Variants in KDM4C observed in about 807,000 individuals in gnomAD.
KDM4C encodes lysine-specific demethylase 4C.
A neutral mutation model predicts 129.3 loss-of-function variants in KDM4C; 81 were observed. The ratio of observed to expected loss-of-function variants is 0.63; its 90% CI spans 0.52 to 0.75. The LOEUF is 0.75. Ranked by LOEUF, KDM4C falls within the 30% of genes least tolerant of loss-of-function variation. The pLI is 0.00. For synonymous variants in KDM4C, 573 were observed against 456.1 expected, an observed-to-expected ratio of 1.26 and a Z score of -3.26; for missense variants, 1,457 against 1,304.0, an observed-to-expected ratio of 1.12 and a Z score of -1.81.
upstream of KDM4C, among the ~76,000 whole-genome samples, chr9:6,757,309 GCCTC>G (rs913182894): frequency 2.6e-5 from 4 of 151,520 alleles, no homozygotes; most frequent in Non-Finnish European, 5.9e-5. Flanking sequence ...TCACCTTTGT[GCCTC>G]CCTATCTTAA....
intron 8 of KDM4C, among the ~76,000 whole-genome samples, chr9:6,894,616 A>G (rs1019140473): frequency 3.3e-5 from 5 of 152,240 alleles, no homozygotes; most frequent in African/African-American, 1.2e-4. Flanking sequence ...GAAGTAGCCT[A>G]TGATATTGGC....
intron 19 of KDM4C, among the ~76,000 whole-genome samples, chr9:7,164,400 T>C (rs1844145106): frequency 6.6e-6 from 1 of 151,100 alleles, no homozygotes; most frequent in Admixed American, 6.6e-5. Context: ...GAGTTTGCTC[T>C]GAATTACTGC....
At chr9:6,731,763 G>T (rs1817344906) in intron 1 of KDM4C, among the ~76,000 whole-genome samples, 1 of 152,136 alleles carries the variant, frequency 6.6e-6, no homozygotes, top group Non-Finnish European at 1.5e-5. Flanking sequence ...AGCTGACAGT[G>T]TGACCAGAAC....
chr9:7,115,123 A>T (rs1838754256), intron 18 of KDM4C, among the ~76,000 whole-genome samples: 1 of 152,092 alleles, frequency 6.6e-6, no homozygotes, highest in Non-Finnish European at 1.5e-5. Flanking sequence ...AATAATTTAC[A>T]TGGGACACTT....
At chr9:6,864,087 T>G (rs1841485958) in intron 5 of KDM4C, among the ~76,000 whole-genome samples, 2 of 152,212 alleles carry the variant, frequency 1.3e-5, no homozygotes, top group Non-Finnish European at 2.9e-5. Flanking sequence ...TTTTAGTGGG[T>G]TTTGCATCTT....
At chr9:6,788,893 T>C (rs1825979890) in intron 1 of KDM4C, among the ~76,000 whole-genome samples, 1 of 152,162 alleles carries the variant, frequency 6.6e-6, no homozygotes, top group Non-Finnish European at 1.5e-5. Context: ...CAGAGGCTGC[T>C]GTGAGGGGAA....
intron 17 of KDM4C, among the ~76,000 whole-genome samples, chr9:7,086,682 C>T (rs558703575): frequency 6.6e-6 from 1 of 152,162 alleles, no homozygotes; most frequent in Non-Finnish European, 1.5e-5. Flanking sequence ...ACGGGGTTAC[C>T]AGCAGATTCC....
At chr9:6,892,038 GC>G (rs1347575250) in intron 7 of KDM4C, among the ~76,000 whole-genome samples, 2 of 152,148 alleles carry the variant, frequency 1.3e-5, no homozygotes, top group Non-Finnish European at 2.9e-5. Context: ...TATTATCAGA[GC>G]TAGCAGAGAA....
At chr9:6,906,344 A>G (rs950382607) in intron 8 of KDM4C, among the ~76,000 whole-genome samples, 1 of 152,222 alleles carries the variant, frequency 6.6e-6, no homozygotes, top group African/African-American at 2.4e-5. Context: ...AAACCTCTCC[A>G]GGCAACACTA....
chr9:6,776,275 C>A (rs1168013548), intron 1 of KDM4C, among the ~76,000 whole-genome samples: 6 of 151,904 alleles, frequency 3.9e-5, no homozygotes, highest in South Asian at 4.2e-4. Flanking sequence ...ATCTTTCTTT[C>A]CTTTTTTGAG....
At chr9:7,089,828 T>C (rs1351889689) in intron 17 of KDM4C, among the ~76,000 whole-genome samples, 1 of 152,230 alleles carries the variant, frequency 6.6e-6, no homozygotes, top group Non-Finnish European at 1.5e-5. Flanking sequence ...GCTCGGCCTT[T>C]CCTTTGCTCA....
intron 8 of KDM4C, among the ~76,000 whole-genome samples, chr9:6,954,772 A>G (rs1828776447): frequency 1.3e-5 from 2 of 152,178 alleles, no homozygotes; most frequent in Admixed American, 6.5e-5. Context: ...TCAGTTGAGA[A>G]TCTCTGAATG....
chr9:6,863,300 G>A (rs956882675), intron 5 of KDM4C, among the ~76,000 whole-genome samples: 1 of 152,006 alleles, frequency 6.6e-6, no homozygotes, highest in Non-Finnish European at 1.5e-5. Flanking sequence ...AGTTATGTGT[G>A]GATTCCATCT....
intron 19 of KDM4C, among the ~76,000 whole-genome samples, chr9:7,153,194 G>A (rs1388017814): frequency 1.3e-5 from 2 of 152,070 alleles, no homozygotes; most frequent in South Asian, 2.1e-4. Flanking sequence ...CACCTTGGCC[G>A]CCCAAAGTGC....
chr9:6,958,536 G>T (rs535573761), intron 8 of KDM4C, among the ~76,000 whole-genome samples: 1 of 151,582 alleles, frequency 6.6e-6, no homozygotes, highest in African/African-American at 2.4e-5. Context: ...GTGGTGAGCC[G>T]AGATCGCGCC....
chr9:7,170,711 T>G (rs1844869619), intron 21 of KDM4C: 1 of 978,892 alleles, frequency 1.0e-6, no homozygotes, highest in Admixed American at 6.2e-5. Context: ...ATGAAATTTT[T>G]TTTCTGAATA....
chr9:6,782,888 C>T (rs567337598), intron 1 of KDM4C, among the ~76,000 whole-genome samples: 21 of 152,196 alleles, frequency 1.4e-4, no homozygotes, highest in South Asian at 4.2e-4. Context: ...AAGAAAAGAA[C>T]GACAGAAGTC....
chr9:6,731,915 T>C (rs1233510756), intron 1 of KDM4C, among the ~76,000 whole-genome samples: 1 of 152,136 alleles, frequency 6.6e-6, no homozygotes, highest in East Asian at 1.9e-4. Flanking sequence ...TTTGACATTC[T>C]AGAGATGGCT....
At chr9:7,160,790 G>A (rs1431880385) in intron 19 of KDM4C, among the ~76,000 whole-genome samples, 2 of 152,184 alleles carry the variant, frequency 1.3e-5, no homozygotes, top group South Asian at 2.1e-4. Context: ...GGGAGTCAGG[G>A]ACCCACCTGA....
Sources: allele counts gnomAD v4.1 joint callset (sites outside exome capture counted in the v4.1 genomes callset), GRCh38; gene constraint gnomAD v4.1.1; transcripts MANE v1.5; gene names NCBI Gene and HGNC (gene_info 2026-07-23, HGNC 2026-07-21).